The following MAPKAPK2 variants were observed in gnomAD, a reference collection of about 807,000 sequenced individuals.
The protein encoded by MAPKAPK2 is MAP kinase-activated protein kinase 2.
In MAPKAPK2, 9 loss-of-function variants were observed where a neutral mutation model predicts 48.8. The observed-to-expected ratio is 0.18, with a 90% CI of 0.11 to 0.32. MAPKAPK2 has a LOEUF of 0.32. MAPKAPK2 is among the 10% of genes least tolerant of loss of function. The pLI is 1.00. For synonymous variants in MAPKAPK2, 202 were observed against 190.6 expected (o/e 1.06, Z -0.49); for missense variants, 331 against 498.3 (o/e 0.66, Z 3.20).
chr1:206,696,156 A>C, intron 1 of MAPKAPK2: 1 of 1,567,882 alleles, frequency 6.4e-7, no homozygotes. Context: ...CAAAAGTGTC[A>C]TTGAAGGATG....
chr1:206,699,863 C>T (rs1427940987), intron 1 of MAPKAPK2, among the ~76,000 whole-genome samples: 1 of 152,140 alleles, frequency 6.6e-6, no homozygotes, highest in Non-Finnish European at 1.5e-5. Flanking sequence ...TGGGTCGGGT[C>T]TGTTTGTTCC....
At chr1:206,714,365 C>T (rs782520138) in intron 1 of MAPKAPK2, among the ~76,000 whole-genome samples, 4 of 152,038 alleles carry the variant, frequency 2.6e-5, no homozygotes, top group Non-Finnish European at 1.5e-5. Context: ...GCCTCTTAAG[C>T]GACCCAGGGT....
intron 1 of MAPKAPK2, among the ~76,000 whole-genome samples, chr1:206,718,893 A>T (rs1673426929): frequency 6.6e-6 from 1 of 152,056 alleles, no homozygotes; most frequent in African/African-American, 2.4e-5. Flanking sequence ...ATACTAGTTT[A>T]TTTCTCTACC....
At chr1:206,692,332 A>G (rs148929311) in intron 1 of MAPKAPK2, among the ~76,000 whole-genome samples, 2 of 152,368 alleles carry the variant, frequency 1.3e-5, no homozygotes, top group East Asian at 3.9e-4. Flanking sequence ...TAGGATTTAC[A>G]TTCAGGTGAC....
chr1:206,727,058 C>G (rs182827397), intron 1 of MAPKAPK2, among the ~76,000 whole-genome samples: 8 of 152,254 alleles, frequency 5.3e-5, no homozygotes, highest in African/African-American at 1.9e-4. Context: ...CCCAGCATGT[C>G]TCTTGGACAC....
chr1:206,714,401 T>G (rs1553429994), intron 1 of MAPKAPK2, among the ~76,000 whole-genome samples: 1 of 152,076 alleles, frequency 6.6e-6, no homozygotes, highest in Non-Finnish European at 1.5e-5. Context: ...AGATTATGAT[T>G]TGTTCTAGAG....
intron 1 of MAPKAPK2, among the ~76,000 whole-genome samples, chr1:206,725,303 G>C (rs1239533599): frequency 6.6e-6 from 1 of 152,178 alleles, no homozygotes; most frequent in Non-Finnish European, 1.5e-5. Context: ...TCCTCACTTA[G>C]CACAGCTCTG....
chr1:206,696,678 T>A (rs1460277969), intron 1 of MAPKAPK2, among the ~76,000 whole-genome samples: 2 of 152,198 alleles, frequency 1.3e-5, no homozygotes, highest in African/African-American at 4.8e-5. Flanking sequence ...CACTCCAGCC[T>A]GGGTGACAGA....
At chr1:206,725,855 G>A (rs1231797005) in intron 1 of MAPKAPK2, among the ~76,000 whole-genome samples, 1 of 152,090 alleles carries the variant, frequency 6.6e-6, no homozygotes, top group Admixed American at 6.6e-5. Context: ...AATCTCACTG[G>A]ATTTTAAGGA....
rs185417833 is a variant in MAPKAPK2 at position 206,717,812 on chromosome 1, A to T, written c.280-10898A>T. 3.9e-3 allele frequency among the ~76,000 whole-genome samples: 589 copies of T among 152,226 alleles called. 6 individuals are homozygous for T. The highest frequency in any genetic ancestry group is 0.012 in the African/African-American group (489 of 41,520). On this transcript the variant is annotated intron_variant, in intron 1 of 9. Coordinates refer to ENST00000367103, the MANE Select transcript of MAPKAPK2 (RefSeq NM_032960.4). ...CAAACCCTTTTACTTAATTTTTTTT[A>T]AAAAATTTCATTCAGATGGTAAAGG...
Position 206,732,409 on chromosome 1 carries a change from C to T in MAPKAPK2, c.1060-166C>T, listed in dbSNP as rs1259885843. 12 of 1,457,436 alleles carry T rather than the reference C, an allele frequency of 8.2e-6. No individual in the cohort carries two copies. Among genetic ancestry groups the T allele is most frequent in the South Asian group, 2.9e-5 (2 of 68,124 alleles). The allele number at this position is 1,457,436 out of a possible 1,614,324, so 90.3% of individuals were successfully genotyped here. ...CTGCCCAGCGCTGGGGTGAGGCTGC[C>T]GTTGTCAGCGTGGACCACTAACCAG... On this transcript the variant is annotated intron_variant, in intron 9 of 9. Transcript: ENST00000367103. This position sits in a 1 kb window ranked among gnomAD's most constrained non-coding sequence, Gnocchi z 4.4.
chr1:206,728,511 A>G (rs1026629770), intron 1 of MAPKAPK2, among the ~76,000 whole-genome samples, 199 bp from the exon 2 acceptor site: 3 of 150,452 alleles, frequency 2.0e-5, no homozygotes, highest in Non-Finnish European at 4.4e-5. Context: ...AGGCCCCAAG[A>G]GAGTCATCAT....
chr1:206,730,780 GGGGGCTGGGT>G lies in MAPKAPK2; in HGVS notation c.767+23_767+32del. On this transcript the variant is annotated intron_variant, in intron 6 of 9. Coordinates refer to ENST00000367103, the MANE Select transcript of MAPKAPK2 (RefSeq NM_032960.4). ...GTACATCCTGTGAGTGTGCTGGGGA[GGGGGCTGGGT>G]GGGGCAGGGAGTCAGGGCGGCCTGT... 2.6e-5 allele frequency: 42 copies of G among 1,586,194 alleles called. No individual in the cohort carries two copies. Among genetic ancestry groups the G allele is most frequent in the Non-Finnish European group, 3.3e-5 (38 of 1,154,578 alleles).
chr1:206,695,432 C>A (rs1438146264), intron 1 of MAPKAPK2, among the ~76,000 whole-genome samples: 2 of 151,242 alleles, frequency 1.3e-5, no homozygotes, highest in African/African-American at 4.9e-5. Flanking sequence ...ACATCTTTCC[C>A]AGATCTGGCC....
intron 5 of MAPKAPK2, among the ~76,000 whole-genome samples, 168 bp from the exon 6 acceptor site, chr1:206,730,520 G>A (rs1482095893): frequency 2.6e-5 from 4 of 152,230 alleles, no homozygotes; most frequent in South Asian, 4.1e-4. Flanking sequence ...GGAGGAGGAT[G>A]TTCTGTTCCA....
At position 206,718,526 on chromosome 1, in the gene MAPKAPK2, C is replaced by T. The variant is rs1030958724; in HGVS notation, c.280-10184C>T. Among the ~76,000 whole-genome samples the T allele has an allele frequency of 3.5e-4, 37 of 104,632 alleles. 1 individual carries two copies. Among genetic ancestry groups the T allele is most frequent in the African/African-American group, 1.5e-3 (37 of 24,602 alleles). The allele number at this position is 104,632 out of a possible 152,430, so 68.6% of individuals were successfully genotyped here. On this transcript the variant is annotated intron_variant, in intron 1 of 9. Coordinates refer to ENST00000367103, the MANE Select transcript of MAPKAPK2 (RefSeq NM_032960.4). ...CCAGCCTGGGCGACAGAGCAAGACT[C>T]CATCTCAAAAAAAAAAAAAAAAAAA... is the stretch of plus-strand genomic sequence containing the variant.
At chr1:206,730,984 C>T (rs970274849) in intron 6 of MAPKAPK2, among the ~76,000 whole-genome samples, 154 bp from the exon 7 acceptor site, 14 of 152,174 alleles carry the variant, frequency 9.2e-5, no homozygotes, top group Admixed American at 7.9e-4. Context: ...TCCCGGGCCC[C>T]GGGCTTGACT....
intron 1 of MAPKAPK2, among the ~76,000 whole-genome samples, chr1:206,718,623 A>G (rs1553430785): frequency 6.6e-6 from 1 of 151,736 alleles, no homozygotes; most frequent in African/African-American, 2.4e-5. Flanking sequence ...ATTTAATAGC[A>G]TCCTGCTCTC....
At chr1:206,694,572 T>C (rs1420335116) in intron 1 of MAPKAPK2, among the ~76,000 whole-genome samples, 1 of 152,242 alleles carries the variant, frequency 6.6e-6, no homozygotes, top group Non-Finnish European at 1.5e-5. Flanking sequence ...TTAGTAGGAT[T>C]CTAAAGGCCA....
Sources: gnomAD v4.1 joint callset for allele counts (sites outside exome capture counted in the v4.1 genomes callset) on GRCh38, gnomAD v4.1.1 for gene constraint, Gnocchi (gnomAD v3.1) non-coding constraint, MANE v1.5 for transcripts, NCBI Gene and HGNC (gene_info 2026-07-23, HGNC 2026-07-21) for gene names.